PLD5: variants seen among roughly 807,000 people sequenced by gnomAD.
PLD5 encodes phospholipase D family member 5.
A neutral mutation model predicts 61.1 loss-of-function variants in PLD5; 36 were observed. The observed-to-expected ratio is 0.59, with a 90% CI of 0.45 to 0.78. The LOEUF (loss-of-function observed/expected upper bound fraction) is 0.78. PLD5 is among the 30% of genes least tolerant of loss of function. The pLI is 0.00. For synonymous variants in PLD5, 243 were observed against 242.8 expected, an observed-to-expected ratio of 1.00 and a Z score of -0.01; for missense variants, 515 against 644.4, an observed-to-expected ratio of 0.80 and a Z score of 2.17.
chr1:242,353,635 A>G (rs1324530082), intron 1 of PLD5, among the ~76,000 whole-genome samples: 1 of 152,114 alleles, frequency 6.6e-6, no homozygotes, highest in Non-Finnish European at 1.5e-5. Flanking sequence ...TACAATATCT[A>G]TTCAGGTCCT....
chr1:242,353,244 A>G (rs1660573947), intron 1 of PLD5, among the ~76,000 whole-genome samples: 1 of 152,160 alleles, frequency 6.6e-6, no homozygotes, highest in Admixed American at 6.6e-5. Context: ...ATGAATATCC[A>G]GTTTTCCCAA....
intron 1 of PLD5, among the ~76,000 whole-genome samples, chr1:242,369,539 G>A (rs182299944): frequency 7.9e-5 from 12 of 152,270 alleles, no homozygotes; most frequent in African/African-American, 1.4e-4. Flanking sequence ...TAAAATGTGC[G>A]TATGCTTATA....
chr1:242,213,170 T>C (rs1430024381), intron 5 of PLD5, among the ~76,000 whole-genome samples: 2 of 152,200 alleles, frequency 1.3e-5, no homozygotes, highest in Non-Finnish European at 2.9e-5. Context: ...AGACTGTTTT[T>C]ATATGATTCC....
intron 9 of PLD5, among the ~76,000 whole-genome samples, chr1:242,092,048 G>A (rs1016874460): frequency 3.3e-5 from 5 of 151,728 alleles, no homozygotes; most frequent in South Asian, 4.2e-4. Context: ...GGCTGGTCTC[G>A]AACTCCTGAC....
intron 2 of PLD5, among the ~76,000 whole-genome samples, chr1:242,293,549 T>C (rs1354234617): frequency 6.6e-6 from 1 of 152,176 alleles, no homozygotes; most frequent in Non-Finnish European, 1.5e-5. Context: ...AAAAATATAG[T>C]ACCTTGTAGA....
At position 242,237,634 on chromosome 1, in the gene PLD5, TGCCCTTGCA is replaced by T. The variant is rs571455345; in HGVS notation, c.608-17528_608-17520del. 2.6e-5 allele frequency among the ~76,000 whole-genome samples: 4 copies of T among 152,304 alleles called. No individual in the cohort carries two copies. In the East Asian group the frequency reaches 5.8e-4, roughly 22 times the overall value. The stretch of plus-strand genomic sequence containing the variant: ...GTGCCTAAAAGATATAGTCCCTCAG[TGCCCTTGCA>T]GCCCTGGCCTGGGCTGGTGGTAACA... On this transcript the variant is annotated intron_variant, in intron 4 of 9. Coordinates refer to ENST00000536534, the MANE Select transcript of PLD5 (RefSeq NM_001372062.1).
At chr1:242,224,394 C>T (rs1670797790) in intron 4 of PLD5, among the ~76,000 whole-genome samples, 1 of 151,600 alleles carries the variant, frequency 6.6e-6, no homozygotes, top group African/African-American at 2.4e-5. Flanking sequence ...TATAGAATGC[C>T]ACAATTTTAT....
In PLD5 at chr1:242,100,791, A is replaced by G; in HGVS notation, c.1240-9T>C. The G allele has an allele frequency of 6.4e-7, 1 of 1,555,604 alleles. No individual in the cohort carries two copies. The highest frequency in any genetic ancestry group is 2.3e-5 in the East Asian group (1 of 43,756). ...TCCAGATCAAAAAATTTCTGTAAGAAAAAAAAAAAGGGGGCAGGTAAATAA... is the reference window on the plus strand; with the variant it reads ...TCCAGATCAAAAAATTTCTGTAAGAGAAAAAAAAAGGGGGCAGGTAAATAA... On this transcript the variant is annotated splice_polypyrimidine_tract_variant and intron_variant, in intron 8 of 9. Coordinates refer to ENST00000536534, the MANE Select transcript of PLD5 (RefSeq NM_001372062.1).
chr1:242,395,764 T>C (rs1663535153), intron 1 of PLD5, among the ~76,000 whole-genome samples: 1 of 152,146 alleles, frequency 6.6e-6, no homozygotes, highest in African/African-American at 2.4e-5. Context: ...AAGAAGGGGC[T>C]ACTGGCTGGG....
At chr1:242,387,935 C>T (rs1459056993) in intron 1 of PLD5, among the ~76,000 whole-genome samples, 2 of 152,036 alleles carry the variant, frequency 1.3e-5, no homozygotes, top group African/African-American at 4.8e-5. Flanking sequence ...TGTTTGTTTA[C>T]TGCCACAAAA....
intron 2 of PLD5, among the ~76,000 whole-genome samples, chr1:242,294,257 G>A (rs1675527982): frequency 1.3e-5 from 2 of 152,160 alleles, no homozygotes; most frequent in South Asian, 4.1e-4. Flanking sequence ...GGGAGCTTAG[G>A]TGGAATAAAT....
rs554037131 is a variant in PLD5, at chr1:242,144,026, C to T, written c.736-19361G>A. Among the ~76,000 whole-genome samples the T allele has an allele frequency of 2.4e-3, 366 of 151,916 alleles. 2 individuals are homozygous for T. Among genetic ancestry groups the T allele is most frequent in the African/African-American group, 8.5e-3 (351 of 41,470 alleles). On this transcript the variant is annotated intron_variant, in intron 5 of 9. Transcript: ENST00000536534. ...CTGAGACTACAGGCTCCCGCCACCA[C>T]GCCTGGCTAATTTTTATATTTTTAG...
At chr1:242,290,805 T>G (rs3910594) in intron 2 of PLD5, among the ~76,000 whole-genome samples, 1 of 150,852 alleles carries the variant, frequency 6.6e-6, no homozygotes, top group East Asian at 2.0e-4. Flanking sequence ...TGTCTCTTAA[T>G]TGGGCTGTAT....
At chr1:242,234,843 G>A (rs10926666) in intron 4 of PLD5, among the ~76,000 whole-genome samples, 31,460 of 151,942 alleles carry the variant, frequency 0.21, 3,584 homozygotes, top group East Asian at 0.37. Context: ...GTGAGAGAAA[G>A]GCTCTGAAGA....
In PLD5 at chr1:242,431,416, T is replaced by A. The variant is rs1665713358; in HGVS notation, c.190-83174A>T. On this transcript the variant is annotated intron_variant, in intron 1 of 9. Coordinates refer to ENST00000536534, the MANE Select transcript of PLD5 (RefSeq NM_001372062.1). ...CGACTGAGGATAAGAGATGAATCGG[T>A]TCCACATGATAGATTTAATTACTAT... is the stretch of plus-strand genomic sequence containing the variant. Among the ~76,000 whole-genome samples, 5 of 152,240 alleles carry A rather than the reference T, an allele frequency of 3.3e-5. No homozygotes were observed. The South Asian group carries it at 1.0e-3, about 32-fold the overall frequency.
intron 1 of PLD5, among the ~76,000 whole-genome samples, chr1:242,448,590 C>T (rs1288281896): frequency 1.3e-5 from 2 of 152,152 alleles, no homozygotes; most frequent in African/African-American, 4.8e-5. Flanking sequence ...TGTTTTCCTC[C>T]TTGTATCATG....
At chr1:242,136,653 T>C (rs182289328) in intron 5 of PLD5, among the ~76,000 whole-genome samples, 2 of 152,344 alleles carry the variant, frequency 1.3e-5, no homozygotes, top group Admixed American at 1.3e-4. Context: ...TGTGTGTTTC[T>C]GTAGTGCATC....
intron 1 of PLD5, among the ~76,000 whole-genome samples, chr1:242,402,537 G>C (rs1182837383): frequency 2.0e-5 from 3 of 152,182 alleles, no homozygotes; most frequent in Non-Finnish European, 4.4e-5. Context: ...TAATTCATCA[G>C]AAGCTTAATA....
At chr1:242,421,503 CTACTGA>C (rs1412445963) in intron 1 of PLD5, among the ~76,000 whole-genome samples, 1 of 152,188 alleles carries the variant, frequency 6.6e-6, no homozygotes, top group Non-Finnish European at 1.5e-5. Flanking sequence ...ACAGCACATA[CTACTGA>C]TGTTCCATTT....
Sources: allele counts gnomAD v4.1 joint callset (sites outside exome capture counted in the v4.1 genomes callset), GRCh38; gene constraint gnomAD v4.1.1; transcripts MANE v1.5; gene names NCBI Gene and HGNC (gene_info 2026-07-23, HGNC 2026-07-21).